TBX15: variants seen among roughly 807,000 people sequenced by gnomAD.
TBX15 encodes T-box transcription factor TBX15.
TBX15 carries 18 observed loss-of-function variants against 53.9 expected under a neutral mutation model. That is an observed-to-expected ratio of 0.33 (90% confidence interval 0.23 to 0.49). TBX15 has a LOEUF of 0.49. TBX15 is among the 20% of genes least tolerant of loss of function. TBX15 has a pLI of 0.98. For missense variants in TBX15, 692 were observed against 749.5 expected (o/e 0.92, Z 0.90); for synonymous variants, 295 against 278.0 (o/e 1.06, Z -0.61).
At chr1:118,986,011 C>T (rs1487097388) in intron 1 of TBX15, among the ~76,000 whole-genome samples, 5 of 152,226 alleles carry the variant, frequency 3.3e-5, no homozygotes, top group African/African-American at 9.6e-5. Context: ...AGACGGGCTC[C>T]GTGCGATCTG....
intron 6 of TBX15, among the ~76,000 whole-genome samples, chr1:118,904,949 G>A (rs1373089242): frequency 2.0e-5 from 3 of 152,128 alleles, no homozygotes; most frequent in Non-Finnish European, 4.4e-5. Context: ...CTGTAAAATG[G>A]AGATAATCAT....
chr1:118,976,945 C>T (rs1345357285), intron 1 of TBX15, among the ~76,000 whole-genome samples: 2 of 152,156 alleles, frequency 1.3e-5, no homozygotes, highest in Non-Finnish European at 2.9e-5. Flanking sequence ...GGTGAGTAAT[C>T]GCTGTCAATT....
In TBX15 at chr1:118,987,822, C is replaced by A; in HGVS notation, c.-27G>T. The A allele has an allele frequency of 6.5e-7, 1 of 1,546,342 alleles. No individual in the cohort carries two copies. Among genetic ancestry groups the A allele is most frequent in the South Asian group, 1.2e-5 (1 of 83,962 alleles). The stretch of plus-strand genomic sequence containing the variant: ...TTAGCCGCCCACACCCCTGCCTCCG[C>A]TTGCCCCCGCTACCGAGGGAGCAGC... On this transcript the variant is annotated 5_prime_UTR_variant, in exon 1 of 8. Transcript: ENST00000369429.
At chr1:118,952,296 G>C (rs1162914094) in intron 1 of TBX15, among the ~76,000 whole-genome samples, 1 of 152,100 alleles carries the variant, frequency 6.6e-6, no homozygotes, top group Non-Finnish European at 1.5e-5. Context: ...GTCAACAATA[G>C]GCTATAGCAG....
chr1:118,988,482 C>G (rs1657922513), upstream of TBX15: 1 of 152,362 alleles, frequency 6.6e-6, no homozygotes, highest in Admixed American at 6.5e-5. Context: ...CCAGTCGTCC[C>G]CTGGATGCTC....
intron 5 of TBX15, among the ~76,000 whole-genome samples, chr1:118,920,869 G>A (rs1655401489): frequency 6.6e-6 from 1 of 152,124 alleles, no homozygotes; most frequent in African/African-American, 2.4e-5. Context: ...TTCAACCTGG[G>A]TGACAAAATG....
At chr1:118,897,136 T>C (rs1242505000) in intron 7 of TBX15, among the ~76,000 whole-genome samples, 1 of 152,230 alleles carries the variant, frequency 6.6e-6, no homozygotes, top group African/African-American at 2.4e-5. Flanking sequence ...TGAAGCCTGC[T>C]ATGCTGCACA....
At chr1:118,971,296 CCA>C (rs1255225191) in intron 1 of TBX15, among the ~76,000 whole-genome samples, 1 of 152,130 alleles carries the variant, frequency 6.6e-6, no homozygotes, top group East Asian at 1.9e-4. Context: ...TATAGAGATT[CCA>C]GAATATAGAG....
chr1:118,884,477 G>T lies in TBX15; in HGVS notation c.*255C>A, dbSNP rs1653848590. ...TCTCTTCAAAGGCCACTCTGGAACA[G>T]ACAATGCTTTATAAAACTAAGGTCT... is the stretch of plus-strand genomic sequence containing the variant. On this transcript the variant is annotated 3_prime_UTR_variant, in exon 8 of 8. Coordinates refer to ENST00000369429, the MANE Select transcript of TBX15 (RefSeq NM_001330677.2). 3.7e-6 allele frequency: 2 copies of T among 540,380 alleles called. No individual in the cohort carries two copies. The highest frequency in any genetic ancestry group is 6.6e-6 in the Non-Finnish European group (2 of 302,540). The allele number at this position is 540,380 out of a possible 1,614,324, so 33.5% of individuals were successfully genotyped here. A position where few individuals can be genotyped will look rare whatever the true frequency, so the allele number is the denominator to read the frequency against.
At chr1:118,940,386 GA>G (rs1294516677) in intron 1 of TBX15, among the ~76,000 whole-genome samples, 2 of 151,910 alleles carry the variant, frequency 1.3e-5, no homozygotes, top group Non-Finnish European at 2.9e-5. Flanking sequence ...GACAGACACT[GA>G]AGATCACTGT....
Position 118,931,663 on chromosome 1 carries a change from C to T in TBX15, c.375G>A (p.Arg125=). 1.2e-6 allele frequency: 2 copies of T among 1,614,088 alleles called. No individual in the cohort carries two copies. Among genetic ancestry groups the T allele is most frequent in the African/African-American group, 1.3e-5 (1 of 75,028 alleles). The change falls in exon 2 of 8, where the codon CGG becomes CGA. Residue 125 remains arginine, a synonymous_variant. Transcript: ENST00000369429. ...VELQCADLWK[R]FHDIGTEMII... ...TCATTTCAGTTCCAATATCATGGAA[C>T]CGCTTCCAGAGGTCAGCACATTGCA...
At chr1:118,972,740 C>A (rs375082892) in intron 1 of TBX15, among the ~76,000 whole-genome samples, 1 of 152,070 alleles carries the variant, frequency 6.6e-6, no homozygotes, top group Non-Finnish European at 1.5e-5. Flanking sequence ...GCTGGGATTA[C>A]GGGTGCCCAC....
intron 7 of TBX15, among the ~76,000 whole-genome samples, chr1:118,894,141 G>C (rs1654312704): frequency 6.6e-6 from 1 of 152,172 alleles, no homozygotes; most frequent in African/African-American, 2.4e-5. Context: ...TGGCAGGAAA[G>C]AGCACACCAT....
At chr1:118,962,717 T>C (rs1394153935) in intron 1 of TBX15, among the ~76,000 whole-genome samples, 3 of 152,210 alleles carry the variant, frequency 2.0e-5, no homozygotes, top group Non-Finnish European at 4.4e-5. Flanking sequence ...CCCTTTACAG[T>C]TTCCTCACTG....
chr1:118,953,007 GA>G (rs531770871), intron 1 of TBX15, among the ~76,000 whole-genome samples: 73 of 152,062 alleles, frequency 4.8e-4, no homozygotes, highest in Non-Finnish European at 7.5e-4. Context: ...GGAGGAAAGA[GA>G]GGCACTTCAT....
At chr1:118,891,404 C>T (rs916690837) in intron 7 of TBX15, among the ~76,000 whole-genome samples, 3 of 152,136 alleles carry the variant, frequency 2.0e-5, no homozygotes, top group Non-Finnish European at 4.4e-5. Context: ...TGTTTTACTG[C>T]CTTCCTTGCT....
rs1191056222 is a variant in TBX15 at position 118,914,181 on chromosome 1, T to C, written c.862-2A>G. On this transcript the variant is annotated splice_acceptor_variant, in intron 5 of 7. Coordinates refer to ENST00000369429, the MANE Select transcript of TBX15 (RefSeq NM_001330677.2). LOFTEE classifies it high-confidence loss of function. Reference sequence around the variant, plus strand: ...TCGGTCAATTTTTAATCTGGTAATCTGGAAACAAACAAATAAGTATGAATT... The same window carrying C: ...TCGGTCAATTTTTAATCTGGTAATCCGGAAACAAACAAATAAGTATGAATT... 1 of 1,613,250 alleles carries C rather than the reference T, an allele frequency of 6.2e-7. No individual in the cohort carries two copies. Among genetic ancestry groups the C allele is most frequent in the Non-Finnish European group, 8.5e-7 (1 of 1,179,492 alleles).
chr1:118,943,126 G>A (rs1396987627), intron 1 of TBX15, among the ~76,000 whole-genome samples: 3 of 152,114 alleles, frequency 2.0e-5, no homozygotes, highest in African/African-American at 7.2e-5. Flanking sequence ...TGAAGCCCCT[G>A]GCGCACAATA....
chr1:118,898,922 G>T, intron 7 of TBX15, 106 bp downstream of exon 7: 3 of 1,108,398 alleles, frequency 2.7e-6, no homozygotes, highest in Middle Eastern at 2.7e-4. Flanking sequence ...CAGGAGAATT[G>T]GTATAACCCA....
Sources: allele counts gnomAD v4.1 joint callset (sites outside exome capture counted in the v4.1 genomes callset), GRCh38; gene constraint gnomAD v4.1.1; transcripts MANE v1.5; gene names NCBI Gene and HGNC (gene_info 2026-07-23, HGNC 2026-07-21).